The following KCNQ1 variants were observed in gnomAD, a reference collection of about 807,000 sequenced individuals.
The protein encoded by KCNQ1 is potassium voltage-gated channel subfamily KQT member 1.
In KCNQ1, 49 loss-of-function variants were observed where a neutral mutation model predicts 72.4. That is an observed-to-expected ratio of 0.68 (90% CI 0.54 to 0.86). The LOEUF (loss-of-function observed/expected upper bound fraction) is 0.86. KCNQ1 is among the 40% of genes least tolerant of loss of function. The pLI is 0.00. For synonymous variants in KCNQ1, 450 were observed against 412.6 expected, an observed-to-expected ratio of 1.09 and a Z score of -1.10; for missense variants, 790 against 945.1, an observed-to-expected ratio of 0.84 and a Z score of 2.15.
Position 2,603,208 on chromosome 11 carries a change from T to G in KCNQ1, c.1393+14354T>G, listed in dbSNP as rs1235532350. 3.9e-5 allele frequency among the ~76,000 whole-genome samples: 6 copies of G among 152,346 alleles called. No homozygotes were observed. The East Asian group carries it at 7.7e-4, about 20-fold the overall frequency. On this transcript the variant is annotated intron_variant, in intron 10 of 15. Transcript: ENST00000155840. The surrounding 1 kb of genome is among the most constrained non-coding windows in gnomAD (Gnocchi z 4.1). Reference sequence around the variant, plus strand: ...GGTTTGCCACTGCATATAAAAGTTATGTTTATATTGTAGTCTATTAAGTGT... The same window carrying G: ...GGTTTGCCACTGCATATAAAAGTTAGGTTTATATTGTAGTCTATTAAGTGT...
Position 2,562,559 on chromosome 11 carries a change from C to G in KCNQ1, c.478-8069C>G, listed in dbSNP as rs77130796. Among the ~76,000 whole-genome samples, 492 of 152,292 alleles carry G rather than the reference C, an allele frequency of 3.2e-3. 5 individuals are homozygous for G. The highest frequency in any genetic ancestry group is 0.011 in the African/African-American group (474 of 41,556). On this transcript the variant is annotated intron_variant, in intron 2 of 15. Coordinates refer to ENST00000155840, the MANE Select transcript of KCNQ1 (RefSeq NM_000218.3). The surrounding 1 kb of genome is among the most constrained non-coding windows in gnomAD (Gnocchi z 7.5). ...CACAGGCCCAGCCCTCTGGCTTCCT[C>G]GCTATGGGAGGGGGTGAGACCCTAA... is the stretch of plus-strand genomic sequence containing the variant.
intron 12 of KCNQ1, among the ~76,000 whole-genome samples, chr11:2,771,061 G>T (rs1846590204): frequency 6.6e-6 from 1 of 152,236 alleles, no homozygotes; most frequent in Admixed American, 6.5e-5. Context: ...TCCCAGGGTG[G>T]GGCTGGTGTC....
intron 15 of KCNQ1, among the ~76,000 whole-genome samples, chr11:2,834,273 G>C (rs534017681): frequency 6.6e-6 from 1 of 152,114 alleles, no homozygotes; most frequent in African/African-American, 2.4e-5. Context: ...TGTGCCCCTC[G>C]AGCCATGTGT....
At chr11:2,496,690 G>A (rs1009551640) in intron 1 of KCNQ1, among the ~76,000 whole-genome samples, 7 of 151,752 alleles carry the variant, frequency 4.6e-5, no homozygotes, top group South Asian at 2.1e-4. Context: ...TACATTTAAC[G>A]TTAACATTGT....
chr11:2,755,702 CAT>C (rs1399465885), intron 11 of KCNQ1, among the ~76,000 whole-genome samples: 1 of 152,222 alleles, frequency 6.6e-6, no homozygotes, highest in Non-Finnish European at 1.5e-5. Flanking sequence ...GGTTCTAGGA[CAT>C]CTTTGGGGGA....
chr11:2,446,476 C>G lies in KCNQ1; in HGVS notation c.386+992C>G, dbSNP rs1434223112. ...CCTCAGGTGGAAGCATCTCCTCTGC[C>G]TCGGGCAGGCTCAGTAGAGAACTGG... is the stretch of plus-strand genomic sequence containing the variant. On this transcript the variant is annotated intron_variant, in intron 1 of 15. Transcript: ENST00000155840. The surrounding 1 kb of genome is among the most constrained non-coding windows in gnomAD (Gnocchi z 8.8). Among the ~76,000 whole-genome samples the G allele has an allele frequency of 1.3e-5, 2 of 152,202 alleles. No homozygotes were observed. The highest frequency in any genetic ancestry group is 2.9e-5 in the Non-Finnish European group (2 of 68,032).
chr11:2,605,858 C>A (rs902835127), intron 10 of KCNQ1, among the ~76,000 whole-genome samples: 1 of 152,172 alleles, frequency 6.6e-6, no homozygotes, highest in African/African-American at 2.4e-5. Context: ...TGTAGATCAG[C>A]ACGATTCCGG....
rs1318778950 is a variant in KCNQ1 at position 2,493,454 on chromosome 11, G to C, written c.387-34474G>C. 6.6e-6 allele frequency among the ~76,000 whole-genome samples: 1 copy of C among 151,932 alleles called. No individual in the cohort carries two copies. Among genetic ancestry groups the C allele is most frequent in the East Asian group, 1.9e-4 (1 of 5,186 alleles). The stretch of plus-strand genomic sequence containing the variant: ...CCTATGTCCTGAATGGTATTGCCTG[G>C]GTATTCTTCTAGGGTTTCCGTGGTT... On this transcript the variant is annotated intron_variant, in intron 1 of 15. Transcript: ENST00000155840. This position sits in a 1 kb window ranked among gnomAD's most constrained non-coding sequence, Gnocchi z 5.3.
intron 15 of KCNQ1, among the ~76,000 whole-genome samples, chr11:2,807,254 G>A (rs578165875): frequency 3.0e-4 from 46 of 152,336 alleles, no homozygotes; most frequent in African/African-American, 1.0e-3. Flanking sequence ...GAACGTGGCC[G>A]GCTCTGAAAG....
intron 15 of KCNQ1, among the ~76,000 whole-genome samples, chr11:2,845,470 TGA>T (rs1848307752): frequency 6.6e-6 from 1 of 152,190 alleles, no homozygotes; most frequent in African/African-American, 2.4e-5. Context: ...TCCTTGGGTG[TGA>T]GAGACCCCGG....
intron 10 of KCNQ1, chr11:2,641,640 A>C (rs1849578648): frequency 2.5e-6 from 1 of 398,318 alleles, no homozygotes; most frequent in Non-Finnish European, 4.4e-6. Context: ...TTATCATTTA[A>C]TATAGTCCCA....
rs1848624051 is a variant in KCNQ1, at chr11:2,588,388, C to T, written c.1252-325C>T. ...CCCTGCTGGCCCCCAGCCTGTTCCC[C>T]CGATATGCATTCTCCCCTACTGGTC... On this transcript the variant is annotated intron_variant, in intron 9 of 15. Coordinates refer to ENST00000155840, the MANE Select transcript of KCNQ1 (RefSeq NM_000218.3). The surrounding 1 kb of genome is among the most constrained non-coding windows in gnomAD (Gnocchi z 5.6). 2.0e-5 allele frequency among the ~76,000 whole-genome samples: 3 copies of T among 152,216 alleles called. No individual in the cohort carries two copies. The highest frequency in any genetic ancestry group is 6.5e-5 in the Admixed American group (1 of 15,292).
intron 11 of KCNQ1, chr11:2,699,394 C>G (rs1173915315): frequency 7.5e-6 from 3 of 400,778 alleles, no homozygotes; most frequent in Non-Finnish European, 1.3e-5. Flanking sequence ...GTGTTCAAAC[C>G]CTCCCAGAGA....
At chr11:2,751,579 G>T (rs1846225868) in intron 11 of KCNQ1, among the ~76,000 whole-genome samples, 1 of 152,260 alleles carries the variant, frequency 6.6e-6, no homozygotes, top group African/African-American at 2.4e-5. Context: ...CGGCCAACAG[G>T]CCACTAGTGT....
rs1848536565 is a variant in KCNQ1 at position 2,583,500 on chromosome 11, C to T, written c.987C>T (p.Ala329=). The change falls in exon 7 of 16, where the codon GCC becomes GCT. Residue 329 remains alanine, a synonymous_variant. Transcript: ENST00000155840. ...VPQTWVGKTI[A]SCFSVFAISF... ...AGACGTGGGTCGGGAAGACCATCGC[C>T]TCCTGCTTCTCTGTCTTTGCCATCT... 6.2e-7 allele frequency: 1 copy of T among 1,613,972 alleles called. No individual in the cohort carries two copies. Among genetic ancestry groups the T allele is most frequent in the African/African-American group, 1.3e-5 (1 of 74,940 alleles).
In KCNQ1 at chr11:2,601,649, C is replaced by T. The variant is rs117635602; in HGVS notation, c.1393+12795C>T. 7.9e-5 allele frequency among the ~76,000 whole-genome samples: 12 copies of T among 152,314 alleles called. No individual in the cohort carries two copies. In the East Asian group the frequency reaches 1.5e-3, roughly 20 times the overall value. ...TAGTTTTGTCTTTTCAAAAATGCCA[C>T]GTAAATGGAATCACACAATACACGA... On this transcript the variant is annotated intron_variant, in intron 10 of 15. Coordinates refer to ENST00000155840, the MANE Select transcript of KCNQ1 (RefSeq NM_000218.3). The surrounding 1 kb of genome is among the most constrained non-coding windows in gnomAD (Gnocchi z 5.2).
Position 2,715,363 on chromosome 11 carries a change from A to T in KCNQ1, c.1514+53282A>T, listed in dbSNP as rs1400121772. Among the ~76,000 whole-genome samples, 1 of 152,118 alleles carries T rather than the reference A, an allele frequency of 6.6e-6. No homozygotes were observed. Among genetic ancestry groups the T allele is most frequent in the Non-Finnish European group, 1.5e-5 (1 of 68,010 alleles). ...CCCCGGAGGAGCCAGGAAGGTGGACAGAGCAGGCAGGAGTGGGGCAGGAGG... is the reference window on the plus strand; with the variant it reads ...CCCCGGAGGAGCCAGGAAGGTGGACTGAGCAGGCAGGAGTGGGGCAGGAGG... On this transcript the variant is annotated intron_variant, in intron 11 of 15. Coordinates refer to ENST00000155840, the MANE Select transcript of KCNQ1 (RefSeq NM_000218.3). This position sits in a 1 kb window ranked among gnomAD's most constrained non-coding sequence, Gnocchi z 4.9.
chr11:2,485,739 A>G (rs544416254), intron 1 of KCNQ1, among the ~76,000 whole-genome samples: 4 of 152,156 alleles, frequency 2.6e-5, no homozygotes, highest in East Asian at 3.9e-4. Context: ...TTTCGTCCCT[A>G]TGGATTTGAC....
rs1320262749 is a variant in KCNQ1, at chr11:2,657,277, G to T, written c.1394-4684G>T. On this transcript the variant is annotated intron_variant, in intron 10 of 15. Coordinates refer to ENST00000155840, the MANE Select transcript of KCNQ1 (RefSeq NM_000218.3). This position sits in a 1 kb window ranked among gnomAD's most constrained non-coding sequence, Gnocchi z 4.8. The stretch of plus-strand genomic sequence containing the variant: ...ACAGAAGCCTTGAGATTTTTATTAA[G>T]ATTTGGAGAGATTTATTCAGATTTT... 4 of 398,446 alleles carry T rather than the reference G, an allele frequency of 1.0e-5. No homozygotes were observed. Among genetic ancestry groups the T allele is most frequent in the African/African-American group, 4.1e-5 (2 of 48,596 alleles). The allele number at this position is 398,446 out of a possible 1,614,324, so 24.7% of individuals were successfully genotyped here. A position where few individuals can be genotyped will look rare whatever the true frequency, so the allele number is the denominator to read the frequency against.
Sources: allele counts gnomAD v4.1 joint callset (sites outside exome capture counted in the v4.1 genomes callset), GRCh38; gene constraint gnomAD v4.1.1; non-coding constraint Gnocchi (gnomAD v3.1); transcripts MANE v1.5; gene names NCBI Gene and HGNC (gene_info 2026-07-23, HGNC 2026-07-21).